The following RUNX3 variants were observed in gnomAD, a reference collection of about 807,000 sequenced individuals.
The protein encoded by RUNX3 is runt-related transcription factor 3.
In RUNX3, 10 loss-of-function variants were observed where a neutral mutation model predicts 27.7. That is an observed-to-expected ratio of 0.36 (90% confidence interval 0.22 to 0.61). The LOEUF is 0.61. RUNX3 is among the 20% of genes least tolerant of loss of function. The pLI is 0.72. For missense variants in RUNX3, 469 were observed against 629.5 expected (o/e 0.75, Z 2.73); for synonymous variants, 270 against 269.2 (o/e 1.00, Z -0.03).
rs933527583 is a variant in RUNX3, at chr1:24,901,969, A to G, written c.*153T>C. 15 of 690,144 alleles carry G rather than the reference A, an allele frequency of 2.2e-5. No individual in the cohort carries two copies. The highest frequency in any genetic ancestry group is 1.5e-4 in the Admixed American group (5 of 33,930). 42.8% of individuals were successfully genotyped at this position (690,144 alleles called of 1,614,324 possible). ...TACAAGGATGTGGCTGCACAGATGC[A>G]GCCAGAGGCTCCCACCAGCTGGGAC... On this transcript the variant is annotated 3_prime_UTR_variant, in exon 5 of 5. Coordinates refer to ENST00000308873, the MANE Select transcript of RUNX3 (RefSeq NM_004350.3).
At chr1:24,960,591 G>A (rs1571372632) in intron 2 of RUNX3, among the ~76,000 whole-genome samples, 1 of 152,222 alleles carries the variant, frequency 6.6e-6, no homozygotes, top group Non-Finnish European at 1.5e-5. Flanking sequence ...CCCTGGAGGG[G>A]CACCCACTGC....
rs769937834 is a variant in RUNX3 at position 24,902,361 on chromosome 1, A to G, written c.1009T>C (p.Ser337Pro). The change falls in exon 5 of 5, where the codon TCC becomes CCC. Residue 337 changes from serine to proline, a missense_variant. By Grantham distance (74) the Ser-to-Pro change is moderately conservative. Coordinates refer to ENST00000308873, the MANE Select transcript of RUNX3 (RefSeq NM_004350.3). The surrounding 1 kb of genome is among the most constrained non-coding windows in gnomAD (Gnocchi z 9.2). ...PSPYHLYYGT[S>P]SGSYQFSMVA... ...ATGGAGAACTGGTAGGAGCCAGAGG[A>G]TGTCCCGTAGTAGAGGTGGTAGGGG... 2 of 1,612,286 alleles carry G rather than the reference A, an allele frequency of 1.2e-6. No individual in the cohort carries two copies. Among genetic ancestry groups the G allele is most frequent in the Non-Finnish European group, 1.7e-6 (2 of 1,179,856 alleles).
upstream of RUNX3, among the ~76,000 whole-genome samples, chr1:24,930,937 A>G (rs1054331581): frequency 2.1e-4 from 32 of 152,312 alleles, no homozygotes; most frequent in African/African-American, 7.5e-4. The surrounding 1 kb of genome is among the most constrained non-coding windows in gnomAD (Gnocchi z 4.1). Context: ...AGGGACCCTA[A>G]GTAGCCTGGG....
intron 3 of RUNX3, among the ~76,000 whole-genome samples, chr1:24,918,589 AG>A (rs879479148): frequency 0.014 from 2,152 of 150,416 alleles, 27 homozygotes; most frequent in African/African-American, 0.025. Flanking sequence ...TCATTCATTC[AG>A]TCAGTCAGTC....
At chr1:24,931,855 T>C (rs774203265), upstream of RUNX3, among the ~76,000 whole-genome samples, 3 of 152,048 alleles carry the variant, frequency 2.0e-5, no homozygotes, top group Non-Finnish European at 4.4e-5. Context: ...AAAGGTCCCT[T>C]ACTGAACCTT....
At chr1:24,961,016 C>T (rs938298014) in intron 2 of RUNX3, among the ~76,000 whole-genome samples, 2 of 152,142 alleles carry the variant, frequency 1.3e-5, no homozygotes, top group Non-Finnish European at 2.9e-5. Context: ...TGAGGGTAGG[C>T]GTTGCCCTCT....
chr1:24,937,136 G>C (rs1256881938), intron 2 of RUNX3, among the ~76,000 whole-genome samples: 1 of 152,206 alleles, frequency 6.6e-6, no homozygotes, highest in Non-Finnish European at 1.5e-5. Context: ...GACCCCCAGT[G>C]TGGTGGGGGA....
At chr1:24,913,962 A>G (rs1303829903) in intron 3 of RUNX3, among the ~76,000 whole-genome samples, 1 of 152,230 alleles carries the variant, frequency 6.6e-6, no homozygotes, top group African/African-American at 2.4e-5. Context: ...GTCGTCTCCA[A>G]GGGTCATATC....
intron 3 of RUNX3, among the ~76,000 whole-genome samples, chr1:24,915,517 C>T (rs1640873162): frequency 6.6e-6 from 1 of 152,140 alleles, no homozygotes; most frequent in African/African-American, 2.4e-5. Flanking sequence ...GTGGTAAGTG[C>T]TCGGGGTAAC....
chr1:24,915,567 CTG>C (rs1418949422), intron 3 of RUNX3, among the ~76,000 whole-genome samples: 8 of 152,166 alleles, frequency 5.3e-5, no homozygotes, highest in Non-Finnish European at 1.5e-5. Flanking sequence ...GTGAGGAAGG[CTG>C]TGTGTGTGCC....
At chr1:24,963,801 G>C (rs533698278) in intron 2 of RUNX3, among the ~76,000 whole-genome samples, 1 of 152,196 alleles carries the variant, frequency 6.6e-6, no homozygotes, top group South Asian at 2.1e-4. Context: ...CTCCAGGTCG[G>C]GGATCCCAGA....
chr1:24,905,071 G>T (rs9438875), intron 4 of RUNX3, among the ~76,000 whole-genome samples: 53,215 of 152,046 alleles, frequency 0.35, 9,402 homozygotes, highest in Middle Eastern at 0.46. Flanking sequence ...GAGGTGCTGG[G>T]GTCTCTGCAC....
upstream of RUNX3, among the ~76,000 whole-genome samples, chr1:24,933,934 C>G (rs904745327): frequency 6.6e-6 from 1 of 152,184 alleles, no homozygotes. Context: ...CAGAGGGACC[C>G]GTGGTGAAAC....
At chr1:24,938,786 T>G (rs1557851949) in intron 2 of RUNX3, among the ~76,000 whole-genome samples, 1 of 152,098 alleles carries the variant, frequency 6.6e-6, no homozygotes, top group East Asian at 1.9e-4. Context: ...TTCTGTGTCC[T>G]CCGGAGGACA....
At chr1:24,915,792 G>A (rs970055804) in intron 3 of RUNX3, among the ~76,000 whole-genome samples, 13 of 152,140 alleles carry the variant, frequency 8.5e-5, no homozygotes, top group Admixed American at 4.6e-4. Flanking sequence ...GGGGGTAACG[G>A]GCACAGGCTA....
At chr1:24,915,550 G>A (rs1484765757) in intron 3 of RUNX3, among the ~76,000 whole-genome samples, 1 of 152,222 alleles carries the variant, frequency 6.6e-6, no homozygotes, top group African/African-American at 2.4e-5. Flanking sequence ...AAGGAAAAGG[G>A]GGAGAGGTGA....
chr1:24,940,310 C>T (rs950150385), intron 2 of RUNX3, among the ~76,000 whole-genome samples: 2 of 152,186 alleles, frequency 1.3e-5, no homozygotes, highest in Non-Finnish European at 2.9e-5. Context: ...TCATAGCAAA[C>T]ACGTATTGAA....
chr1:24,932,523 C>CTG (rs1641255712), upstream of RUNX3, among the ~76,000 whole-genome samples: 1 of 152,200 alleles, frequency 6.6e-6, no homozygotes, highest in Admixed American at 6.5e-5. Flanking sequence ...CGAGGAGCTG[C>CTG]CCTTTCCTTG....
intron 2 of RUNX3, among the ~76,000 whole-genome samples, chr1:24,926,988 C>A (rs1641111701): frequency 6.6e-6 from 1 of 151,784 alleles, no homozygotes. Context: ...GGGTGGCACA[C>A]CCGCCTTGAC....
Sources: gnomAD v4.1 joint callset for allele counts (sites outside exome capture counted in the v4.1 genomes callset) on GRCh38, gnomAD v4.1.1 for gene constraint, Gnocchi (gnomAD v3.1) non-coding constraint, MANE v1.5 for transcripts, NCBI Gene and HGNC (gene_info 2026-07-23, HGNC 2026-07-21) for gene names.